LSAMP: variants seen among roughly 807,000 people sequenced by gnomAD.
The protein encoded by LSAMP is limbic system associated membrane protein, also known as limbic system-associated membrane protein.
LSAMP carries 7 observed loss-of-function variants against 38.6 expected under a neutral mutation model. The observed-to-expected ratio is 0.18, with a 90% confidence interval of 0.10 to 0.34. LSAMP has a LOEUF of 0.34. Ranked by LOEUF, LSAMP falls within the 10% of genes least tolerant of loss-of-function variation. The pLI, the probability that LSAMP is intolerant of heterozygous loss-of-function variation, is 1.00. For synonymous variants in LSAMP, 154 were observed against 166.8 expected, an observed-to-expected ratio of 0.92 and a Z score of 0.59; for missense variants, 313 against 420.0, an observed-to-expected ratio of 0.75 and a Z score of 2.23.
intron 1 of LSAMP, among the ~76,000 whole-genome samples, chr3:116,369,601 AG>A (rs2048403364): frequency 6.6e-6 from 1 of 152,178 alleles, no homozygotes. Flanking sequence ...ACGGAGAAAC[AG>A]GAAGTTACTA....
intron 6 of LSAMP, among the ~76,000 whole-genome samples, chr3:115,818,790 T>TTTTATATATATATATATA (rs1553734999): frequency 1.4e-5 from 1 of 69,782 alleles, no homozygotes; most frequent in East Asian, 9.9e-4. Flanking sequence ...AGTTGTACTT[T>TTTTATATATATATATATA]TATATATATA....
chr3:116,236,481 C>G (rs369946318), intron 1 of LSAMP, among the ~76,000 whole-genome samples: 1 of 151,996 alleles, frequency 6.6e-6, no homozygotes, highest in African/African-American at 2.4e-5. Flanking sequence ...CTTCATCTGA[C>G]CTTCATCTTG....
At chr3:115,860,282 G>C (rs1935637073) in intron 3 of LSAMP, among the ~76,000 whole-genome samples, 1 of 152,190 alleles carries the variant, frequency 6.6e-6, no homozygotes. Flanking sequence ...CAAGAAACTT[G>C]CCCAAGCTTA....
chr3:115,944,188 T>C (rs2107564721), intron 3 of LSAMP, among the ~76,000 whole-genome samples: 1 of 152,294 alleles, frequency 6.6e-6, no homozygotes, highest in East Asian at 1.9e-4. Context: ...TGCTAAACTC[T>C]TCTCAGTAGG....
Position 115,812,757 on chromosome 3 carries a change from G to A in LSAMP, c.920-2343C>T, listed in dbSNP as rs1179063144. ...GTGTAAAACAAAAGGTTTTCAGAAA[G>A]GGTCCAATTCTGCTGATTTCCTCAA... is the stretch of plus-strand genomic sequence containing the variant. On this transcript the variant is annotated intron_variant, in intron 6 of 6. Coordinates refer to ENST00000490035, the MANE Select transcript of LSAMP (RefSeq NM_002338.5). 4.6e-5 allele frequency among the ~76,000 whole-genome samples: 7 copies of A among 152,182 alleles called. No individual in the cohort carries two copies. In the East Asian group the frequency reaches 1.3e-3, roughly 29 times the overall value.
At chr3:115,832,589 G>T (rs1282648519) in intron 6 of LSAMP, among the ~76,000 whole-genome samples, 1 of 152,074 alleles carries the variant, frequency 6.6e-6, no homozygotes, top group African/African-American at 2.4e-5. Context: ...GGAAAGAGGA[G>T]AAGAAAAGTG....
intron 1 of LSAMP, among the ~76,000 whole-genome samples, chr3:116,320,241 C>T (rs1001323387): frequency 4.6e-5 from 7 of 152,102 alleles, no homozygotes; most frequent in Non-Finnish European, 7.4e-5. Context: ...GATGAAACCT[C>T]GTCTCTCCTA....
At chr3:116,158,673 C>A (rs1014029330) in intron 1 of LSAMP, among the ~76,000 whole-genome samples, 1 of 152,026 alleles carries the variant, frequency 6.6e-6, no homozygotes, top group African/African-American at 2.4e-5. Flanking sequence ...ACAACAATTA[C>A]AAAGCACAAC....
chr3:116,429,279 G>T (rs567229231), intron 1 of LSAMP, among the ~76,000 whole-genome samples: 95 of 152,284 alleles, frequency 6.2e-4, no homozygotes, highest in Non-Finnish European at 1.1e-3. Context: ...TACAAAAAGA[G>T]ATAAAATAGT....
At chr3:116,091,127 C>T (rs188907255) in intron 1 of LSAMP, among the ~76,000 whole-genome samples, 29 of 152,310 alleles carry the variant, frequency 1.9e-4, no homozygotes, top group Admixed American at 9.8e-4. Flanking sequence ...CCCCCAGGTG[C>T]GCATTCTCTT....
At chr3:116,097,523 CAA>C (rs1204954937) in intron 1 of LSAMP, among the ~76,000 whole-genome samples, 1 of 152,052 alleles carries the variant, frequency 6.6e-6, no homozygotes, top group African/African-American at 2.4e-5. Flanking sequence ...CAAATTATGC[CAA>C]GACATGACAA....
At chr3:116,442,085 A>G (rs1437619294) in intron 1 of LSAMP, among the ~76,000 whole-genome samples, 1 of 152,208 alleles carries the variant, frequency 6.6e-6, no homozygotes, top group Non-Finnish European at 1.5e-5. Flanking sequence ...AATTGAGGGC[A>G]AGACCTGAAG....
At chr3:116,135,319 G>C (rs964624836) in intron 1 of LSAMP, among the ~76,000 whole-genome samples, 4 of 152,146 alleles carry the variant, frequency 2.6e-5, no homozygotes, top group Non-Finnish European at 5.9e-5. Context: ...CATTCACTGA[G>C]TGCTTACTAT....
chr3:116,042,852 G>GGAT (rs2107720060), intron 2 of LSAMP, among the ~76,000 whole-genome samples: 1 of 152,264 alleles, frequency 6.6e-6, no homozygotes, highest in South Asian at 2.1e-4. Context: ...TGAACAAGGT[G>GGAT]GATAATCTTT....
intron 1 of LSAMP, among the ~76,000 whole-genome samples, chr3:116,351,257 G>A (rs532980232): frequency 2.6e-4 from 39 of 152,096 alleles, no homozygotes; most frequent in African/African-American, 9.4e-4. Context: ...CCATTGATTA[G>A]TTTAAATTTC....
At position 116,294,394 on chromosome 3, in the gene LSAMP, T is replaced by C. The variant is rs146554425; in HGVS notation, c.155+150483A>G. On this transcript the variant is annotated intron_variant, in intron 1 of 6. Transcript: ENST00000490035. ...ACAGTTTACTAAAGGATTTGAATGTTCTAGGATTCAGAAATAAGAACAATA... is the reference window on the plus strand; with the variant it reads ...ACAGTTTACTAAAGGATTTGAATGTCCTAGGATTCAGAAATAAGAACAATA... Among the ~76,000 whole-genome samples, 1,077 of 152,292 alleles carry C rather than the reference T, an allele frequency of 7.1e-3. 7 individuals carry two copies. The highest frequency in any genetic ancestry group is 0.012 in the Non-Finnish European group (795 of 68,018).
chr3:116,213,709 A>G (rs960287906), intron 1 of LSAMP, among the ~76,000 whole-genome samples: 1 of 152,258 alleles, frequency 6.6e-6, no homozygotes, highest in South Asian at 2.1e-4. Context: ...TATACATACA[A>G]TGGAATACTA....
At chr3:116,081,340 G>A (rs1707867504) in intron 2 of LSAMP, among the ~76,000 whole-genome samples, 1 of 152,022 alleles carries the variant, frequency 6.6e-6, no homozygotes, top group Admixed American at 6.6e-5. Flanking sequence ...TGTAGTCCCA[G>A]CTACTTGGGA....
intron 1 of LSAMP, among the ~76,000 whole-genome samples, chr3:116,394,075 G>A (rs1362205273): frequency 2.0e-5 from 3 of 152,006 alleles, no homozygotes; most frequent in African/African-American, 7.2e-5. Context: ...ACCTGTTTTT[G>A]TTTCCTTTCT....
Sources: allele counts gnomAD v4.1 joint callset (sites outside exome capture counted in the v4.1 genomes callset), GRCh38; gene constraint gnomAD v4.1.1; transcripts MANE v1.5; gene names NCBI Gene and HGNC (gene_info 2026-07-23, HGNC 2026-07-21).